The following MCC variants were observed in gnomAD, a reference collection of about 807,000 sequenced individuals.
MCC encodes the protein MCC regulator of Wnt signaling pathway.
MCC carries 90 observed loss-of-function variants against 116.2 expected under a neutral mutation model. The observed-to-expected ratio is 0.77, with a 90% CI of 0.65 to 0.92. MCC has a LOEUF of 0.92. Ranked by LOEUF, MCC falls within the 40% of genes least tolerant of loss-of-function variation. MCC has a pLI of 0.00. For missense variants in MCC, 1,516 were observed against 1,312.2 expected (o/e 1.16, Z -2.40); for synonymous variants, 578 against 510.5 (o/e 1.13, Z -1.78).
At chr5:113,135,561 A>C (rs1444777332) in intron 5 of MCC, among the ~76,000 whole-genome samples, 1 of 47,512 alleles carries the variant, frequency 2.1e-5, no homozygotes, top group Admixed American at 3.2e-4. Flanking sequence ...TCTGTCTCAA[A>C]AAAAAAAAAA....
At chr5:113,092,938 T>C (rs1228483092) in intron 8 of MCC, among the ~76,000 whole-genome samples, 1 of 152,042 alleles carries the variant, frequency 6.6e-6, no homozygotes. Flanking sequence ...TCATGGGAAA[T>C]GGGAAGCAAT....
At chr5:113,365,867 A>G (rs1768674500) in intron 2 of MCC, among the ~76,000 whole-genome samples, 1 of 152,140 alleles carries the variant, frequency 6.6e-6, no homozygotes, top group Non-Finnish European at 1.5e-5. Flanking sequence ...AAACAACCAT[A>G]TCTTGTGAGA....
intron 1 of MCC, among the ~76,000 whole-genome samples, chr5:113,402,293 C>CA (rs371884386): frequency 0.21 from 19,878 of 96,412 alleles, 2,264 homozygotes; most frequent in Admixed American, 0.33. Flanking sequence ...GACTCCGTCT[C>CA]AAAAAAAAAA....
intron 1 of MCC, among the ~76,000 whole-genome samples, chr5:113,392,846 A>C (rs1021786777): frequency 1.3e-5 from 2 of 152,172 alleles, no homozygotes; most frequent in Non-Finnish European, 2.9e-5. Context: ...ACTAGTCCAG[A>C]TGCCTATCAA....
chr5:113,122,915 T>C (rs1056726476), intron 5 of MCC, 89 bp from the exon 6 acceptor site: 6 of 1,382,280 alleles, frequency 4.3e-6, no homozygotes, highest in East Asian at 4.6e-5. Flanking sequence ...GAAAAAGACA[T>C]TGAGAGAGAA....
chr5:113,443,354 C>A (rs920607348), intron 1 of MCC, among the ~76,000 whole-genome samples: 1 of 152,192 alleles, frequency 6.6e-6, no homozygotes, highest in African/African-American at 2.4e-5. Flanking sequence ...TTTTCTATCC[C>A]GAGACACTGC....
intron 17 of MCC, among the ~76,000 whole-genome samples, chr5:113,037,974 C>T (rs1751433001): frequency 6.6e-6 from 1 of 152,104 alleles, no homozygotes; most frequent in African/African-American, 2.4e-5. Flanking sequence ...CACCCTAATC[C>T]GAAGTGTGTT....
In MCC at chr5:113,145,326, T is replaced by A. The variant is rs538763361; in HGVS notation, c.742-1966A>T. Among the ~76,000 whole-genome samples, 3 of 152,334 alleles carry A rather than the reference T, an allele frequency of 2.0e-5. No homozygotes were observed. The South Asian group carries it at 6.2e-4, about 32-fold the overall frequency. ...AATTCTGTCTCTGACCTGGATCTCA[T>A]CAATGCTGTGACTCCTATGTTCCCA... On this transcript the variant is annotated intron_variant, in intron 4 of 18. Coordinates refer to ENST00000408903, the MANE Select transcript of MCC (RefSeq NM_001085377.2).
At chr5:113,042,842 T>C (rs1040511146) in intron 17 of MCC, among the ~76,000 whole-genome samples, 4 of 151,450 alleles carry the variant, frequency 2.6e-5, no homozygotes, top group African/African-American at 7.3e-5. Context: ...TGTAGACATA[T>C]TATGTTAAAT....
chr5:113,252,512 G>A (rs892678965), intron 3 of MCC, among the ~76,000 whole-genome samples: 6 of 152,148 alleles, frequency 3.9e-5, no homozygotes, highest in African/African-American at 1.4e-4. Context: ...CCCCAGATGG[G>A]ACAGTCTAGT....
intron 3 of MCC, among the ~76,000 whole-genome samples, chr5:113,302,394 T>C (rs1235078407): frequency 6.6e-6 from 1 of 152,156 alleles, no homozygotes; most frequent in African/African-American, 2.4e-5. Context: ...CTCAAAGACA[T>C]ATCGACCAAT....
At chr5:113,294,493 C>A in intron 3 of MCC, 1 of 1,576,852 alleles carries the variant, frequency 6.3e-7, no homozygotes, top group South Asian at 1.1e-5. Context: ...ACATTTTAGT[C>A]TAGACAGCCA....
intron 3 of MCC, among the ~76,000 whole-genome samples, chr5:113,239,663 T>G (rs868681144): frequency 1.3e-5 from 2 of 152,206 alleles, no homozygotes; most frequent in African/African-American, 4.8e-5. Flanking sequence ...TGCTGCCCAT[T>G]TGTGGCAAAC....
At chr5:113,193,635 TAGAG>T (rs1015641601) in intron 3 of MCC, among the ~76,000 whole-genome samples, 15 of 152,186 alleles carry the variant, frequency 9.9e-5, no homozygotes, top group African/African-American at 3.4e-4. Flanking sequence ...ATTCAAACGA[TAGAG>T]AAATACATAA....
At chr5:113,358,133 A>G (rs963091583) in intron 2 of MCC, among the ~76,000 whole-genome samples, 2 of 152,222 alleles carry the variant, frequency 1.3e-5, no homozygotes, top group African/African-American at 4.8e-5. Flanking sequence ...GTTTTATTCC[A>G]GCATTATTGT....
chr5:113,441,928 T>C (rs946257091), intron 1 of MCC, among the ~76,000 whole-genome samples: 1 of 152,238 alleles, frequency 6.6e-6, no homozygotes, highest in Non-Finnish European at 1.5e-5. Flanking sequence ...AAGTCTCTGC[T>C]ATGGTGAATA....
At chr5:113,349,181 C>T (rs1768206268) in intron 2 of MCC, among the ~76,000 whole-genome samples, 1 of 151,890 alleles carries the variant, frequency 6.6e-6, no homozygotes, top group Non-Finnish European at 1.5e-5. Flanking sequence ...GAGGATAGAA[C>T]ACTTCCATAC....
At chr5:113,187,694 G>A (rs1014301424) in intron 3 of MCC, among the ~76,000 whole-genome samples, 1 of 150,096 alleles carries the variant, frequency 6.7e-6, no homozygotes, top group Non-Finnish European at 1.5e-5. Flanking sequence ...GGCGGAGCTT[G>A]CAGTGAGCCC....
At chr5:113,257,548 G>A (rs1245266039) in intron 3 of MCC, among the ~76,000 whole-genome samples, 1 of 152,154 alleles carries the variant, frequency 6.6e-6, no homozygotes, top group Non-Finnish European at 1.5e-5. Flanking sequence ...AGGGGTCTTT[G>A]TTGACCTTGG....
Sources: gnomAD v4.1 joint callset for allele counts (sites outside exome capture counted in the v4.1 genomes callset) on GRCh38, gnomAD v4.1.1 for gene constraint, MANE v1.5 for transcripts, NCBI Gene and HGNC (gene_info 2026-07-23, HGNC 2026-07-21) for gene names.